Variants in RIF1 observed in about 807,000 individuals in gnomAD.
RIF1 encodes telomere-associated protein RIF1.
A neutral mutation model predicts 247.1 loss-of-function variants in RIF1; 45 were observed. The ratio of observed to expected loss-of-function variants is 0.18; its 90% confidence interval spans 0.14 to 0.23. RIF1 has a LOEUF of 0.23. RIF1 is among the 10% of genes least tolerant of loss of function. The probability of loss-of-function intolerance (pLI) is 1.00; values close to 1 mark genes in which losing one functional copy is unlikely to be tolerated. For missense variants in RIF1, 2,967 were observed against 2,862.5 expected (o/e 1.04, Z -0.83); for synonymous variants, 1,087 against 978.8 (o/e 1.11, Z -2.06).
chr2:151,427,702 CTT>C (rs1689362098), intron 8 of RIF1, among the ~76,000 whole-genome samples: 1 of 151,898 alleles, frequency 6.6e-6, no homozygotes, highest in African/African-American at 2.4e-5. Context: ...GGGTGGGTCA[CTT>C]GAGGTCAGTA....
intron 13 of RIF1, among the ~76,000 whole-genome samples, chr2:151,438,094 C>T (rs558800476): frequency 6.6e-6 from 1 of 152,196 alleles, no homozygotes; most frequent in East Asian, 1.9e-4. Flanking sequence ...AGTGGGCATT[C>T]AATTCAGAAA....
chr2:151,420,734 CAAAA>C (rs35285535), intron 7 of RIF1, among the ~76,000 whole-genome samples: 5 of 111,798 alleles, frequency 4.5e-5, no homozygotes, highest in Admixed American at 1.0e-4. Context: ...GACCCTGTCT[CAAAA>C]AAAAAAAAAA....
At chr2:151,493,752 T>TTTA (rs761287911) in intron 9 of RIF1, 35 of 1,489,458 alleles carry the variant, frequency 2.3e-5, no homozygotes, top group Non-Finnish European at 3.0e-5. Context: ...ATTTTAAGGA[T>TTTA]TTATTTTTCC....
In RIF1 at chr2:151,445,363, C is replaced by A; in HGVS notation, c.2012C>A (p.Ala671Asp). The A allele has an allele frequency of 6.2e-7, 1 of 1,602,568 alleles. No individual in the cohort carries two copies. Among genetic ancestry groups the A allele is most frequent in the South Asian group, 1.1e-5 (1 of 90,820 alleles). The change falls in exon 19 of 36, where the codon GCC (alanine) becomes GAC (aspartate). Residue 671 changes from alanine (A) to aspartate (D), a missense_variant. Physicochemically the swap from Ala to Asp is moderately radical, Grantham distance 126. This residue lies in a region of RIF1 where 76 missense variants were observed against 113.3 expected (regional missense o/e 0.67). Coordinates refer to ENST00000444746, the MANE Select transcript of RIF1 (RefSeq NM_018151.5). ...NQTNEVNQGD[A>D]LEHNFSAIYG... Reference sequence around the variant, plus strand: ...ACCAATGAAGTAAATCAAGGTGATGCCTTAGAACATAATTTTAGTGCCATC... The same window carrying A: ...ACCAATGAAGTAAATCAAGGTGATGACTTAGAACATAATTTTAGTGCCATC...
chr2:151,492,427 T>G, intron 9 of RIF1: 1 of 1,612,330 alleles, frequency 6.2e-7, no homozygotes, highest in Non-Finnish European at 8.5e-7. Context: ...CCGTCTCATC[T>G]CGGGGGTATC....
At chr2:151,473,523 A>G (rs1574186857) in intron 34 of RIF1, among the ~76,000 whole-genome samples, 1 of 151,524 alleles carries the variant, frequency 6.6e-6, no homozygotes, top group African/African-American at 2.4e-5. Context: ...CAAGTGATCT[A>G]CCCACCTTGG....
At chr2:151,501,441 C>T in intron 11 of RIF1, 2 of 1,543,238 alleles carry the variant, frequency 1.3e-6, no homozygotes, top group Non-Finnish European at 1.8e-6. Flanking sequence ...TCAGGAGTGA[C>T]AGGTAGGGGA....
In RIF1 at chr2:151,467,438, G is replaced by T. The variant is rs528313239; in HGVS notation, c.6601-562G>T. On this transcript the variant is annotated intron_variant, in intron 30 of 35. Transcript: ENST00000444746. ...TGGCTCACTGCATGCTCTGCCTCCC[G>T]GGTTCAAGCGATTCTCCTGCCTCAG... is the stretch of plus-strand genomic sequence containing the variant. Among the ~76,000 whole-genome samples, 4 of 151,778 alleles carry T rather than the reference G, an allele frequency of 2.6e-5. No homozygotes were observed. In the South Asian group the frequency reaches 8.4e-4, roughly 32 times the overall value.
chr2:151,502,141 T>G (rs1253471335), intron 11 of RIF1, among the ~76,000 whole-genome samples: 1 of 152,160 alleles, frequency 6.6e-6, no homozygotes, highest in Non-Finnish European at 1.5e-5. Context: ...ACATTGTATG[T>G]TCTCACTGAT....
At chr2:151,503,100 T>C (rs2065961108) in exon 12 of RIF1, 1 of 588,340 alleles carries the variant, frequency 1.7e-6, no homozygotes, top group African/African-American at 1.9e-5. Flanking sequence ...CATTAAGTTA[T>C]ATAACGCTGA....
chr2:151,446,294 C>A, intron 19 of RIF1, 132 bp from the exon 20 acceptor site: 2 of 852,410 alleles, frequency 2.3e-6, no homozygotes, highest in Non-Finnish European at 3.6e-6. Context: ...CCACTGCACC[C>A]GGCCGTTAGT....
exon 12 of RIF1, chr2:151,503,180 G>T: frequency 1.7e-6 from 1 of 605,910 alleles, no homozygotes; most frequent in Non-Finnish European, 2.9e-6. Flanking sequence ...AAGTATAATC[G>T]GAAATGTGAG....
chr2:151,426,168 A>ATTTTTTTTTTTTTTTTTTTTTTTTTTTT (rs35001554), intron 8 of RIF1, among the ~76,000 whole-genome samples: 4 of 58,212 alleles, frequency 6.9e-5, no homozygotes, highest in Non-Finnish European at 8.8e-5. Context: ...TTGGCTTTTA[A>ATTTTTTTTTTTTTTTTTTTTTTTTTTTT]TTTTTTTTTT....
chr2:151,455,918 C>G (rs1574086797), intron 22 of RIF1, among the ~76,000 whole-genome samples: 1 of 152,174 alleles, frequency 6.6e-6, no homozygotes, highest in South Asian at 2.1e-4. Context: ...ACATGTTTTT[C>G]TAGTGTTCTC....
chr2:151,488,344 T>G (rs1204443416), intron 9 of RIF1, among the ~76,000 whole-genome samples: 3 of 152,100 alleles, frequency 2.0e-5, no homozygotes, highest in Non-Finnish European at 4.4e-5. Context: ...GGCTTTCCCC[T>G]TTATATTTTA....
At chr2:151,423,111 T>A in intron 8 of RIF1, 69 bp downstream of exon 8, 2 of 827,166 alleles carry the variant, frequency 2.4e-6, no homozygotes, top group South Asian at 3.1e-5. Context: ...TACCTTTTCT[T>A]TGTACAGTTG....
chr2:151,520,820 C>T, the RIF1 span, among the ~76,000 whole-genome samples: 1 of 152,150 alleles, frequency 6.6e-6, no homozygotes, highest in Non-Finnish European at 1.5e-5. Context: ...GTCAGGATCG[C>T]ACCACTGCAC....
At position 151,503,419 on chromosome 2, in the gene RIF1, C is replaced by T. The variant is rs1253296856; in HGVS notation, c.*861+234C>T. ...AGTCACAGTGGTTGGAATGCCTGTT[C>T]CCAAGTTTTCTTTGTACATAACCTG... On this transcript the variant is annotated intron_variant and NMD_transcript_variant, in intron 12 of 13. Transcript: ENST00000454583. The T allele has an allele frequency of 6.2e-7, 1 of 1,611,360 alleles. No individual in the cohort carries two copies. The highest frequency in any genetic ancestry group is 1.7e-4 in the Middle Eastern group (1 of 6,038).
At chr2:151,419,545 C>T (rs1454727082) in intron 6 of RIF1, among the ~76,000 whole-genome samples, 2 of 152,006 alleles carry the variant, frequency 1.3e-5, no homozygotes, top group Non-Finnish European at 2.9e-5. Flanking sequence ...AGGATGGTCT[C>T]GATCTCCTGA....
Sources: allele counts gnomAD v4.1 joint callset (sites outside exome capture counted in the v4.1 genomes callset), GRCh38; gene constraint gnomAD v4.1.1; regional missense constraint gnomAD v4.1.1; transcripts MANE v1.5; gene names NCBI Gene and HGNC (gene_info 2026-07-23, HGNC 2026-07-21).